Variants in TLN2 observed in about 807,000 individuals in gnomAD.
The protein encoded by TLN2 is talin 2.
A neutral mutation model predicts 294.7 loss-of-function variants in TLN2; 118 were observed. The observed-to-expected ratio is 0.40, with a 90% CI of 0.34 to 0.47. The LOEUF (loss-of-function observed/expected upper bound fraction) is 0.47, where lower values mean the gene tolerates loss of function less well. Among genes scored for constraint, TLN2 ranks in the 20% least tolerant of loss-of-function variants. The pLI is 0.84. For missense variants in TLN2, 3,083 were observed against 3,282.2 expected, an observed-to-expected ratio of 0.94 and a Z score of 1.48; for synonymous variants, 1,431 against 1,304.5, an observed-to-expected ratio of 1.10 and a Z score of -2.09.
chr15:62,708,442 A>T, intron 20 of TLN2, 60 bp from the exon 21 acceptor site: 1 of 1,564,446 alleles, frequency 6.4e-7, no homozygotes, highest in Non-Finnish European at 8.7e-7. Flanking sequence ...CTGCGGGGGC[A>T]CATGGAGAGG....
intron 1 of TLN2, among the ~76,000 whole-genome samples, chr15:62,468,570 CCTGT>C (rs1376102089): frequency 6.6e-6 from 1 of 151,870 alleles, no homozygotes; most frequent in African/African-American, 2.4e-5. Context: ...AAGGTGAAAC[CCTGT>C]CTGTACTAAA....
At chr15:62,561,770 C>T (rs935868651) in intron 1 of TLN2, among the ~76,000 whole-genome samples, 2 of 152,126 alleles carry the variant, frequency 1.3e-5, no homozygotes, top group Admixed American at 6.6e-5. Context: ...CTTTCCGACT[C>T]CCTGGGCCCA....
In TLN2 at chr15:62,716,433, A is replaced by AAT; in HGVS notation, c.2738_2739insTA (p.Lys913AsnfsTer61). 6.2e-7 allele frequency: 1 copy of AAT among 1,607,344 alleles called. No individual in the cohort carries two copies. Among genetic ancestry groups the AAT allele is most frequent in the Non-Finnish European group, 8.5e-7 (1 of 1,177,138 alleles). Reference sequence around the variant, plus strand: ...CAACGCAGCTGCCCAGAATGCTATTAAGAAAAAAATTGTCAACCGACTGGA... The same window carrying AAT: ...CAACGCAGCTGCCCAGAATGCTATTAATAGAAAAAAATTGTCAACCGACTGGA... On this transcript the variant is annotated frameshift_variant, in exon 23 of 59. Coordinates refer to ENST00000636159, the MANE Select transcript of TLN2 (RefSeq NM_015059.3). LOFTEE classifies it high-confidence loss of function.
chr15:62,542,690 A>G (rs555515708), intron 1 of TLN2, among the ~76,000 whole-genome samples: 13 of 152,218 alleles, frequency 8.5e-5, no homozygotes, highest in Admixed American at 3.9e-4. Flanking sequence ...GGTTCAATCC[A>G]GGGATTCGTG....
At chr15:62,588,030 A>G (rs1004754482) in intron 1 of TLN2, among the ~76,000 whole-genome samples, 7 of 151,974 alleles carry the variant, frequency 4.6e-5, no homozygotes, top group South Asian at 2.1e-4. Flanking sequence ...ACAGGCGCCC[A>G]CCACCACCCC....
intron 1 of TLN2, among the ~76,000 whole-genome samples, chr15:62,569,142 C>G (rs2043654276): frequency 6.6e-6 from 1 of 152,204 alleles, no homozygotes; most frequent in Admixed American, 6.5e-5. Context: ...TGTTTTTTCT[C>G]TGTCTCTTCT....
intron 25 of TLN2, among the ~76,000 whole-genome samples, chr15:62,721,484 A>C (rs2060145483): frequency 6.6e-6 from 1 of 152,066 alleles, no homozygotes; most frequent in African/African-American, 2.4e-5. Context: ...TTATATACTC[A>C]TGGTAGCTTT....
At chr15:62,392,667 A>G (rs1311847996) in intron 1 of TLN2, among the ~76,000 whole-genome samples, 1 of 152,096 alleles carries the variant, frequency 6.6e-6, no homozygotes, top group African/African-American at 2.4e-5. Context: ...TGTTACCGAA[A>G]TGATGTCATA....
intron 1 of TLN2, among the ~76,000 whole-genome samples, chr15:62,435,495 GTGT>G (rs1165749956): frequency 6.6e-6 from 1 of 151,852 alleles, no homozygotes; most frequent in Non-Finnish European, 1.5e-5. Flanking sequence ...TTTGTCTATT[GTGT>G]TGTTGTCTTT....
chr15:62,477,400 G>T (rs1185134231), intron 1 of TLN2, among the ~76,000 whole-genome samples: 1 of 152,168 alleles, frequency 6.6e-6, no homozygotes, highest in Admixed American at 6.5e-5. Flanking sequence ...AAAGTTACTG[G>T]AGACCCTCAG....
intron 50 of TLN2, 58 bp from the exon 51 acceptor site, chr15:62,805,538 GAATA>G: frequency 6.7e-7 from 1 of 1,491,000 alleles, no homozygotes; most frequent in Non-Finnish European, 9.0e-7. Context: ...GGTTGGAGAA[GAATA>G]AATTATTTTT....
intron 1 of TLN2, among the ~76,000 whole-genome samples, chr15:62,552,528 G>C (rs924461316): frequency 7.2e-5 from 11 of 152,098 alleles, no homozygotes; most frequent in African/African-American, 2.7e-4. Flanking sequence ...CCTTTTTGTG[G>C]TCTATTTAAT....
chr15:62,664,229 GAA>G (rs66500232), intron 9 of TLN2, among the ~76,000 whole-genome samples: 3 of 150,708 alleles, frequency 2.0e-5, no homozygotes, highest in South Asian at 2.1e-4. Flanking sequence ...TATTAAAAAA[GAA>G]AAAAAAAATC....
chr15:62,741,895 A>C (rs532862671), intron 32 of TLN2, among the ~76,000 whole-genome samples: 1 of 152,122 alleles, frequency 6.6e-6, no homozygotes, highest in African/African-American at 2.4e-5. Context: ...CAGCCTGTCT[A>C]AACTTTCCCA....
chr15:62,502,206 G>T lies in TLN2; in HGVS notation c.-237-87481G>T, dbSNP rs2039345612. On this transcript the variant is annotated intron_variant, in intron 1 of 58. Coordinates refer to ENST00000636159, the MANE Select transcript of TLN2 (RefSeq NM_015059.3). ...CTTGACATGCTGCTGCTCCTTTTGT[G>T]TTTTCATTTTAAAACAAAATATGTA... Among the ~76,000 whole-genome samples, 3 of 152,148 alleles carry T rather than the reference G, an allele frequency of 2.0e-5. No individual in the cohort carries two copies. In the South Asian group the frequency reaches 6.2e-4, roughly 32 times the overall value.
At chr15:62,813,155 C>G (rs1236837199) in intron 52 of TLN2, among the ~76,000 whole-genome samples, 1 of 152,214 alleles carries the variant, frequency 6.6e-6, no homozygotes, top group East Asian at 1.9e-4. Flanking sequence ...ACGTGCTTCT[C>G]TGGTGACCAT....
In TLN2 at chr15:62,738,198, CTCT is replaced by C; in HGVS notation, c.3568-15_3568-13del. On this transcript the variant is annotated splice_polypyrimidine_tract_variant and intron_variant, in intron 29 of 58. Coordinates refer to ENST00000636159, the MANE Select transcript of TLN2 (RefSeq NM_015059.3). ...TGTTTGTACTTAAAGGTGCTTCTCTCTCTCCACGAATTCAGGTGGCTAAAGCCG... is the reference window on the plus strand; with the variant it reads ...TGTTTGTACTTAAAGGTGCTTCTCTCCCACGAATTCAGGTGGCTAAAGCCG... 1 of 1,612,890 alleles carries C rather than the reference CTCT, an allele frequency of 6.2e-7. No homozygotes were observed. The highest frequency in any genetic ancestry group is 2.2e-5 in the East Asian group (1 of 44,844).
rs911960004 is a variant in TLN2, at chr15:62,796,031, C to T, written c.5884-96C>T. 7.5e-6 allele frequency: 11 copies of T among 1,472,660 alleles called. No individual in the cohort carries two copies. In the African/African-American group the frequency reaches 1.3e-4, roughly 17 times the overall value. The allele number at this position is 1,472,660 out of a possible 1,614,324, so 91.2% of individuals were successfully genotyped here. ...TGTGTTGTTAACCTCTAAGCTACAT[C>T]AACTCCTAGGAGAGAATTCATTATT... On this transcript the variant is annotated intron_variant, in intron 46 of 58. Coordinates refer to ENST00000636159, the MANE Select transcript of TLN2 (RefSeq NM_015059.3).
chr15:62,475,338 G>C (rs928368372), intron 1 of TLN2, among the ~76,000 whole-genome samples: 3 of 152,198 alleles, frequency 2.0e-5, no homozygotes, highest in Non-Finnish European at 2.9e-5. Flanking sequence ...GGACACCTGA[G>C]TTTTATCACG....
Sources: allele counts gnomAD v4.1 joint callset (sites outside exome capture counted in the v4.1 genomes callset), GRCh38; gene constraint gnomAD v4.1.1; transcripts MANE v1.5; gene names NCBI Gene and HGNC (gene_info 2026-07-23, HGNC 2026-07-21).